COPS3: variants seen among roughly 807,000 people sequenced by gnomAD.
COPS3 encodes COP9 signalosome complex subunit 3.
In COPS3, 10 loss-of-function variants were observed where a neutral mutation model predicts 58.2. The ratio of observed to expected loss-of-function variants is 0.17; its 90% CI spans 0.11 to 0.29. The LOEUF (loss-of-function observed/expected upper bound fraction) is 0.29. COPS3 is among the 10% of genes least tolerant of loss of function. COPS3 has a pLI of 1.00. For synonymous variants in COPS3, 187 were observed against 181.7 expected, an observed-to-expected ratio of 1.03 and a Z score of -0.24; for missense variants, 333 against 510.1, an observed-to-expected ratio of 0.65 and a Z score of 3.34.
chr17:17,263,577 G>T (rs1207012556), intron 6 of COPS3, among the ~76,000 whole-genome samples: 1 of 134,884 alleles, frequency 7.4e-6, no homozygotes, highest in South Asian at 2.5e-4. Flanking sequence ...GCAATGGCAC[G>T]ATCTCGGCTC....
chr17:17,254,356 T>C (rs2047915257), intron 9 of COPS3, among the ~76,000 whole-genome samples: 2 of 149,624 alleles, frequency 1.3e-5, no homozygotes, highest in Non-Finnish European at 3.0e-5. Flanking sequence ...GATGTGTATA[T>C]CATATGAGCA....
chr17:17,274,754 C>CT (rs377530136), intron 2 of COPS3, among the ~76,000 whole-genome samples: 7,093 of 141,118 alleles, frequency 0.05, 327 homozygotes, highest in African/African-American at 0.12. Flanking sequence ...TTCAATCGTG[C>CT]TTTTTTTTTT....
intron 5 of COPS3, among the ~76,000 whole-genome samples, chr17:17,266,731 G>A (rs141066007): frequency 0.038 from 5,703 of 151,816 alleles, 177 homozygotes; most frequent in African/African-American, 0.084. Flanking sequence ...CCTGGGAGGC[G>A]GAGCTTGCAG....
rs767781068 is a variant in COPS3 at position 17,267,970 on chromosome 17, C to T, written c.356G>A (p.Arg119Gln). The T allele has an allele frequency of 4.3e-6, 7 of 1,613,768 alleles. No individual in the cohort carries two copies. Among genetic ancestry groups the T allele is most frequent in the Admixed American group, 3.3e-5 (2 of 59,974 alleles). Residue 119 changes from arginine to glutamine, a missense_variant, in exon 5 of 12, where the codon CGA becomes CAA. Arg to Gln is a conservative substitution (Grantham distance 43, BLOSUM62 1). Transcript: ENST00000268717. ...NALVERKQPLRGIGILKQAID... is the reference protein window; with the variant it reads ...NALVERKQPLQGIGILKQAID... ...GGCTTGCTTAAGGATGCCAATTCCT[C>T]GCAGGGGCTGTCAGAAATGACATCT...
At chr17:17,269,357 G>A (rs112584723) in intron 4 of COPS3, among the ~76,000 whole-genome samples, 4,395 of 152,158 alleles carry the variant, frequency 0.029, 204 homozygotes, top group African/African-American at 0.1. Flanking sequence ...CCCAGGAGGC[G>A]GAAGTTGCAG....
At chr17:17,257,962 T>C (rs2048015429) in intron 8 of COPS3, among the ~76,000 whole-genome samples, 1 of 152,204 alleles carries the variant, frequency 6.6e-6, no homozygotes, top group Admixed American at 6.5e-5. Context: ...TTGAGACTTC[T>C]TTGGATTTTC....
At chr17:17,261,943 T>A in intron 7 of COPS3, 23 bp downstream of exon 7, 1 of 1,562,130 alleles carries the variant, frequency 6.4e-7, no homozygotes, top group South Asian at 1.2e-5. Context: ...ACGTAAGAAA[T>A]CAGTTTTATG....
chr17:17,247,106 A>G lies in COPS3; in HGVS notation c.1264T>C (p.Tyr422His). The G allele has an allele frequency of 6.2e-7, 1 of 1,613,812 alleles. No homozygotes were observed. Among genetic ancestry groups the G allele is most frequent in the Non-Finnish European group, 8.5e-7 (1 of 1,179,660 alleles). The change falls in exon 12 of 12, where the codon TAT (tyrosine) becomes CAT (histidine). Residue 422 changes from tyrosine (Y) to histidine (H), a missense_variant. Transcript: ENST00000268717. ...CAGGATGGATGTTAGTTTCAAGAAT[A>G]ACTGGATGGTTTGTTTCCTGAATCA... Reference protein sequence around the residue: ...EDDSGNKPSSYS With the variant: ...EDDSGNKPSSHS
chr17:17,253,660 A>T (rs1480525512), intron 9 of COPS3, among the ~76,000 whole-genome samples: 3 of 152,200 alleles, frequency 2.0e-5, no homozygotes, highest in African/African-American at 7.2e-5. Context: ...GTCGCTAAGC[A>T]CACTGTGTAG....
intron 2 of COPS3, 81 bp downstream of exon 2, chr17:17,275,954 T>C: frequency 7.5e-7 from 1 of 1,332,532 alleles, no homozygotes; most frequent in Non-Finnish European, 1.0e-6. Flanking sequence ...AAAATATAAA[T>C]AAATAAATAA....
chr17:17,271,855 T>C (rs1395172213), intron 2 of COPS3, among the ~76,000 whole-genome samples: 2 of 136,230 alleles, frequency 1.5e-5, no homozygotes, highest in African/African-American at 5.5e-5. Flanking sequence ...TATATATATA[T>C]ATACACACAT....
chr17:17,274,149 A>G (rs7220275), intron 2 of COPS3, among the ~76,000 whole-genome samples: 76,742 of 152,034 alleles, frequency 0.5, 19,807 homozygotes, highest in East Asian at 0.63. Context: ...TAAGGTATGG[A>G]AAGAACCCTG....
rs775504658 is a variant in COPS3, at chr17:17,281,122, A to G, written c.55+10T>C. On this transcript the variant is annotated intron_variant, in intron 1 of 11. Coordinates refer to ENST00000268717, the MANE Select transcript of COPS3 (RefSeq NM_003653.4). Reference sequence around the variant, plus strand: ...CCGCCCATGCCCAGCCCGGCGGCCTAGGGCGTTACCTTGAGCTGAGAGCTG... The same window carrying G: ...CCGCCCATGCCCAGCCCGGCGGCCTGGGGCGTTACCTTGAGCTGAGAGCTG... The G allele has an allele frequency of 2.5e-6, 4 of 1,607,858 alleles. No homozygotes were observed. Among genetic ancestry groups the G allele is most frequent in the South Asian group, 2.2e-5 (2 of 89,730 alleles).
chr17:17,247,545 C>T lies in COPS3; in HGVS notation c.1153G>A (p.Glu385Lys). ...ATGGCTTTCAGCCGCTCATCCAGCT[C>T]AATGCACTTCAGCATCTGCATGACA... is the stretch of plus-strand genomic sequence containing the variant. ...NIDQEMLKCI[E>K]LDERLKAMDQ... The change falls in exon 11 of 12, where the codon GAG becomes AAG. Residue 385 changes from glutamate to lysine, a missense_variant. Transcript: ENST00000268717. 6.2e-7 allele frequency: 1 copy of T among 1,614,190 alleles called. No individual in the cohort carries two copies. Among genetic ancestry groups the T allele is most frequent in the Non-Finnish European group, 8.5e-7 (1 of 1,180,044 alleles).
At position 17,246,803 on chromosome 17, in the gene COPS3, T is replaced by C. The variant is rs2047735138; in HGVS notation, c.*295A>G. 1 of 333,678 alleles carries C rather than the reference T, an allele frequency of 3.0e-6. No homozygotes were observed. The highest frequency in any genetic ancestry group is 4.2e-5 in the Admixed American group (1 of 23,536). The allele number at this position is 333,678 out of a possible 1,614,324, so 20.7% of individuals were successfully genotyped here. A position where few individuals can be genotyped will look rare whatever the true frequency, so the allele number is the denominator to read the frequency against. On this transcript the variant is annotated 3_prime_UTR_variant, in exon 12 of 12. Coordinates refer to ENST00000268717, the MANE Select transcript of COPS3 (RefSeq NM_003653.4). ...TTAAAAACTTCAGAGGAGAAAAAAG[T>C]GATACAGAAGACACATTAATGTTCA...
At chr17:17,263,919 G>A (rs149535213) in intron 6 of COPS3, among the ~76,000 whole-genome samples, 383 of 152,334 alleles carry the variant, frequency 2.5e-3, no homozygotes, top group African/African-American at 8.1e-3. Flanking sequence ...CAGTGGCTAC[G>A]AAGTGCATTT....
At chr17:17,269,663 A>C (rs1169342227) in intron 4 of COPS3, among the ~76,000 whole-genome samples, 1 of 152,252 alleles carries the variant, frequency 6.6e-6, no homozygotes, top group African/African-American at 2.4e-5. Flanking sequence ...TAAAAGATAA[A>C]GAATGAAATA....
rs2145212453 is a variant in COPS3, at chr17:17,260,440, A to G, written c.797T>C (p.Val266Ala). The change falls in exon 8 of 12, where the codon GTG becomes GCG. Residue 266 changes from valine to alanine, a missense_variant. By Grantham distance (64) the Val-to-Ala change is moderately conservative. Transcript: ENST00000268717. ...TTCTGAGGGGTTGTTGGTTGAATAC[A>G]CTTGTGCTAACTCGTGGTATGCATT... Reference protein sequence around the residue: ...LSNAYHELAQVYSTNNPSELR... With the variant: ...LSNAYHELAQAYSTNNPSELR... The G allele has an allele frequency of 1.2e-6, 2 of 1,614,144 alleles. No individual in the cohort carries two copies. Among genetic ancestry groups the G allele is most frequent in the East Asian group, 4.5e-5 (2 of 44,880 alleles).
intron 5 of COPS3, among the ~76,000 whole-genome samples, 185 bp downstream of exon 5, chr17:17,267,700 G>A (rs1207641242): frequency 6.6e-6 from 1 of 150,624 alleles, no homozygotes; most frequent in Non-Finnish European, 1.5e-5. Context: ...CTTACTAGTT[G>A]AGCCCCATCC....
Sources: gnomAD v4.1 joint callset for allele counts (sites outside exome capture counted in the v4.1 genomes callset) on GRCh38, gnomAD v4.1.1 for gene constraint, MANE v1.5 for transcripts, NCBI Gene and HGNC (gene_info 2026-07-23, HGNC 2026-07-21) for gene names.